The following TMC4 variants were observed in gnomAD, a reference collection of about 807,000 sequenced individuals.
TMC4 encodes transmembrane channel like 4, also known as voltage-gated chloride channel TMC4.
TMC4 carries 70 observed loss-of-function variants against 82.0 expected under a neutral mutation model. That is an observed-to-expected ratio of 0.85 (90% CI 0.70 to 1.04). The LOEUF (loss-of-function observed/expected upper bound fraction) is 1.04, where lower values mean the gene tolerates loss of function less well. Among genes scored for constraint, TMC4 ranks in the 50% least tolerant of loss-of-function variants. TMC4 has a pLI of 0.00. For missense variants in TMC4, 879 were observed against 899.0 expected, an observed-to-expected ratio of 0.98 and a Z score of 0.28; for synonymous variants, 446 against 406.0, an observed-to-expected ratio of 1.10 and a Z score of -1.18.
In TMC4 at chr19:54,168,946, TCCTTCCTTCCTTCCTTC is replaced by T. The variant is rs2146912176; in HGVS notation, c.443-283_443-267del. On this transcript the variant is annotated intron_variant, in intron 3 of 14. Coordinates refer to ENST00000619895, the MANE Select transcript of TMC4 (RefSeq NM_144686.4). The stretch of plus-strand genomic sequence containing the variant: ...TTCCTTCCTTCCTTCCTTCCTTCCT[TCCTTCCTTCCTTCCTTC>T]CTTCTTCTTTCTCTCTCTCTCTCTC... Among the ~76,000 whole-genome samples, 2 of 52,044 alleles carry T rather than the reference TCCTTCCTTCCTTCCTTC, an allele frequency of 3.8e-5. 1 individual carries two copies. The highest frequency in any genetic ancestry group is 1.7e-4 in the African/African-American group (2 of 12,040). 34.1% of individuals were successfully genotyped at this position (52,044 alleles called of 152,430 possible).
At chr19:54,162,367 T>C in intron 10 of TMC4, 82 bp from the exon 11 acceptor site, 1 of 693,644 alleles carries the variant, frequency 1.4e-6, no homozygotes, top group Non-Finnish European at 2.1e-6. Flanking sequence ...CGCCCGCCAA[T>C]AGGAAGCATG....
chr19:54,163,328 T>G (rs2075617163), intron 8 of TMC4, 169 bp from the exon 9 acceptor site: 1 of 520,962 alleles, frequency 1.9e-6, no homozygotes, highest in African/African-American at 3.2e-5. Flanking sequence ...TTTTTTTTTT[T>G]GAGACAGGGT....
rs542277008 is a variant in TMC4, at chr19:54,169,534, C to T, written c.420G>A (p.Ala140=). The T allele has an allele frequency of 4.1e-5, 66 of 1,613,382 alleles. 1 individual carries two copies. The highest frequency in any genetic ancestry group is 2.5e-4 in the South Asian group (23 of 91,030). ...KEGLRSLQPW[A]WTLKRIGGQF... The stretch of plus-strand genomic sequence containing the variant: ...CACCCCCGATCCTCTTCAGTGTCCA[C>T]GCCCAGGGCTGCAGGCTTCGCAAGC... Residue 140 remains alanine, a synonymous_variant, in exon 3 of 15, where the codon GCG becomes GCA. Transcript: ENST00000619895.
intron 10 of TMC4, among the ~76,000 whole-genome samples, 184 bp from the exon 11 acceptor site, chr19:54,162,469 A>T (rs1006411723): frequency 1.4e-5 from 2 of 147,582 alleles, no homozygotes; most frequent in African/African-American, 5.0e-5. Context: ...ACTAGAAGGG[A>T]CCCAGATGTC....
Position 54,160,949 on chromosome 19 carries a change from AG to A in TMC4, c.1901del (p.Pro634LeufsTer22). On this transcript the variant is annotated frameshift_variant, in exon 13 of 15. Transcript: ENST00000619895. LOFTEE classifies it high-confidence loss of function. ...AGAAGAGGAAATTCTGGGTGGTCTC[AG>A]GGAGGCTGGAAATAGACTCAGGGAT... ...AQIPESISSL[P>X]ETTQNFLFFL... 6.2e-7 allele frequency: 1 copy of A among 1,614,164 alleles called. No homozygotes were observed. The highest frequency in any genetic ancestry group is 8.5e-7 in the Non-Finnish European group (1 of 1,180,024).
At chr19:54,169,920 T>C (rs1366959477) in intron 2 of TMC4, among the ~76,000 whole-genome samples, 1 of 148,658 alleles carries the variant, frequency 6.7e-6, no homozygotes, top group Non-Finnish European at 1.5e-5. Flanking sequence ...TGAAATCCTG[T>C]CTCTACTAAA....
At chr19:54,165,178 G>C (rs984386425) in intron 6 of TMC4, among the ~76,000 whole-genome samples, 1 of 151,518 alleles carries the variant, frequency 6.6e-6, no homozygotes, top group African/African-American at 2.4e-5. Flanking sequence ...AAAGTGCTGG[G>C]GTTACAAGCA....
Position 54,161,015 on chromosome 19 carries a change from C to T in TMC4, c.1836G>A (p.Leu612=), listed in dbSNP as rs36656. The T allele has an allele frequency of 1.2e-6, 2 of 1,613,636 alleles. No homozygotes were observed. The highest frequency in any genetic ancestry group is 2.2e-5 in the South Asian group (2 of 91,056). The change falls in exon 13 of 15, where the codon CTG becomes CTA. Residue 612 remains leucine (L), a synonymous_variant. Transcript: ENST00000619895. ...YSIFLIPPSK[L]CGPFRGQSSI... is the part of the protein sequence containing the mutation. ...ACGACTGCCCCCGGAATGGACCACA[C>T]AGCTTAGAAGGCGGGATCCTGAAGT...
chr19:54,163,977 C>CTT (rs66823569), intron 7 of TMC4, 90 bp from the exon 8 acceptor site: 144,702 of 1,002,566 alleles, frequency 0.14, 2,851 homozygotes, highest in East Asian at 0.34. Context: ...TCTTCTTCTT[C>CTT]TTTTTTTTTT....
chr19:54,168,074 A>T, intron 5 of TMC4, 97 bp downstream of exon 5: 2 of 1,374,938 alleles, frequency 1.5e-6, no homozygotes, highest in Non-Finnish European at 2.0e-6. Flanking sequence ...AAAAAAAAAA[A>T]GACTGAGGAT....
chr19:54,165,981 G>A (rs940164220), intron 5 of TMC4, among the ~76,000 whole-genome samples: 1 of 152,164 alleles, frequency 6.6e-6, no homozygotes, highest in Non-Finnish European at 1.5e-5. Flanking sequence ...CAAAAGATGG[G>A]GGTCAAAGAC....
chr19:54,161,384 A>G (rs1159770444), intron 11 of TMC4, 124 bp from the exon 12 acceptor site: 3 of 1,151,086 alleles, frequency 2.6e-6, no homozygotes, highest in Non-Finnish European at 3.4e-6. Context: ...TTTGAGACAG[A>G]GTCTCGCTCT....
intron 6 of TMC4, 95 bp downstream of exon 6, chr19:54,165,324 C>T: frequency 7.4e-7 from 1 of 1,348,624 alleles, no homozygotes; most frequent in South Asian, 1.5e-5. Flanking sequence ...TAGCATCTCT[C>T]CGGAGGCCCC....
At position 54,173,119 on chromosome 19, in the gene TMC4, G is replaced by A. The variant is rs750059813; in HGVS notation, c.-2C>T. On this transcript the variant is annotated 5_prime_UTR_variant, in exon 1 of 15. Coordinates refer to ENST00000619895, the MANE Select transcript of TMC4 (RefSeq NM_144686.4). ...TTCCAAGGTCGGGTTTTCTTCCATG[G>A]CCCCAGGCTGGGCTGTCTCTAGTGG... is the stretch of plus-strand genomic sequence containing the variant. The A allele has an allele frequency of 1.5e-5, 25 of 1,613,354 alleles. No individual in the cohort carries two copies. The highest frequency in any genetic ancestry group is 2.1e-5 in the Non-Finnish European group (25 of 1,179,752).
chr19:54,167,565 A>G (rs1013719583), intron 5 of TMC4, among the ~76,000 whole-genome samples: 3 of 150,534 alleles, frequency 2.0e-5, no homozygotes, highest in African/African-American at 7.4e-5. Context: ...TCTCAAAAAC[A>G]AACAAACAAA....
In TMC4 at chr19:54,168,868, TTTTCTTTTCTTTTCTTTTC is replaced by T. The variant is rs2075791371; in HGVS notation, c.443-207_443-189del. On this transcript the variant is annotated intron_variant, in intron 3 of 14. Coordinates refer to ENST00000619895, the MANE Select transcript of TMC4 (RefSeq NM_144686.4). ...TTTTCTTTTCTTTTCTTTTCTTTTC[TTTTCTTTTCTTTTCTTTTC>T]TTTCTTTCCTTTCTTTCTTCTTTCT... is the stretch of plus-strand genomic sequence containing the variant. Among the ~76,000 whole-genome samples the T allele has an allele frequency of 6.8e-4, 32 of 46,962 alleles. 7 individuals are homozygous for T. Among genetic ancestry groups the T allele is most frequent in the Non-Finnish European group, 9.3e-4 (24 of 25,900 alleles). The allele number at this position is 46,962 out of a possible 152,430, so 30.8% of individuals were successfully genotyped here.
At position 54,171,938 on chromosome 19, in the gene TMC4, C is replaced by T. The variant is rs2075902514; in HGVS notation, c.225G>A (p.Gln75=). The change falls in exon 2 of 15, where the codon CAG becomes CAA. Residue 75 remains glutamine, a synonymous_variant. Coordinates refer to ENST00000619895, the MANE Select transcript of TMC4 (RefSeq NM_144686.4). ...AAGGGTGAGGGTCCTGCAGCTCTGT[C>T]TGGGTGACTTCTGTGAAGGCCTTTC... is the stretch of plus-strand genomic sequence containing the variant. The part of the protein sequence containing the change: ...RSRKAFTEVT[Q]TELQDPHPSR... The T allele has an allele frequency of 9.3e-6, 15 of 1,613,726 alleles. No individual in the cohort carries two copies. In the East Asian group the frequency reaches 1.1e-4, roughly 12 times the overall value.
Position 54,173,028 on chromosome 19 carries a change from G to T in TMC4, c.79+11C>A. 6.2e-7 allele frequency: 1 copy of T among 1,609,350 alleles called. No homozygotes were observed. The highest frequency in any genetic ancestry group is 8.5e-7 in the Non-Finnish European group (1 of 1,177,548). ...GTCGGATGGATCTGAGCTTCTCCTG[G>T]CATTCCCTACCTCCTCTGGCCTCCC... On this transcript the variant is annotated intron_variant, in intron 1 of 14. Coordinates refer to ENST00000619895, the MANE Select transcript of TMC4 (RefSeq NM_144686.4).
chr19:54,173,040 T>G lies in TMC4; in HGVS notation c.78A>C (p.Gly26=), dbSNP rs780838411. The G allele has an allele frequency of 6.2e-7, 1 of 1,611,532 alleles. No individual in the cohort carries two copies. Among genetic ancestry groups the G allele is most frequent in the South Asian group, 1.1e-5 (1 of 90,800 alleles). Residue 26 remains glycine, a splice_region_variant and synonymous_variant, in exon 1 of 15, where the codon GGA becomes GGC. Transcript: ENST00000619895. ...TGAGCTTCTCCTGGCATTCCCTACC[T>G]CCTCTGGCCTCCCGGGGGGCCAGCC... ...REWLAPREAR[G]GPSLSSVLNE...
Sources: gnomAD v4.1 joint callset for allele counts (sites outside exome capture counted in the v4.1 genomes callset) on GRCh38, gnomAD v4.1.1 for gene constraint, MANE v1.5 for transcripts, NCBI Gene and HGNC (gene_info 2026-07-23, HGNC 2026-07-21) for gene names.